The following USP10 variants were observed in gnomAD, a reference collection of about 807,000 sequenced individuals.
The protein encoded by USP10 is ubiquitin specific peptidase 10.
A neutral mutation model predicts 84.5 loss-of-function variants in USP10; 22 were observed. That is an observed-to-expected ratio of 0.26 (90% CI 0.19 to 0.37). The LOEUF (loss-of-function observed/expected upper bound fraction) is 0.37, where lower values mean the gene tolerates loss of function less well. USP10 is among the 10% of genes least tolerant of loss of function. The pLI is 1.00. For missense variants in USP10, 1,019 were observed against 998.9 expected (o/e 1.02, Z -0.27); for synonymous variants, 454 against 387.6 (o/e 1.17, Z -2.01).
At chr16:84,757,964 T>C (rs780897917) in intron 4 of USP10, among the ~76,000 whole-genome samples, 1 of 152,188 alleles carries the variant, frequency 6.6e-6, no homozygotes, top group Admixed American at 6.5e-5. Flanking sequence ...CATTAGAAGA[T>C]TCATAGTGGG....
rs1905281299 is a variant in USP10, at chr16:84,704,925, T to G, written c.21+4814T>G. 2.0e-6 allele frequency: 3 copies of G among 1,534,574 alleles called. 1 individual carries two copies. Among genetic ancestry groups the G allele is most frequent in the Non-Finnish European group, 2.6e-6 (3 of 1,145,932 alleles). On this transcript the variant is annotated intron_variant, in intron 1 of 13. Transcript: ENST00000219473. ...AGCCTGAATTCCTCGACTTTCCCTT[T>G]TGGGCTCACATGAGAATTGTTAGGA... is the stretch of plus-strand genomic sequence containing the variant.
At chr16:84,758,884 G>C in intron 5 of USP10, 77 bp downstream of exon 5, 2 of 993,770 alleles carry the variant, frequency 2.0e-6, no homozygotes, top group South Asian at 1.3e-5. Context: ...ACTTAGCTCA[G>C]CTTCCGTGGG....
At chr16:84,755,190 C>T (rs1467509872) in intron 4 of USP10, among the ~76,000 whole-genome samples, 1 of 151,356 alleles carries the variant, frequency 6.6e-6, no homozygotes, top group Non-Finnish European at 1.5e-5. Context: ...CATTTCCTTC[C>T]AGTATCAGTG....
Position 84,759,368 on chromosome 16 carries a change from G to A in USP10, c.1290G>A (p.Leu430=). The part of the protein sequence containing the change: ...KGNWCYINAT[L]QALVACPPMY... The stretch of plus-strand genomic sequence containing the variant: ...TCCTTACTGCCACTACATAGACACT[G>A]CAGGCATTGGTTGCTTGCCCGCCGA... Residue 430 remains leucine (L), a synonymous_variant, in exon 6 of 14, where the codon CTG becomes CTA. Coordinates refer to ENST00000219473, the MANE Select transcript of USP10 (RefSeq NM_005153.3). 1 of 1,613,912 alleles carries A rather than the reference G, an allele frequency of 6.2e-7. No homozygotes were observed.
At chr16:84,704,788 G>A (rs559891062) in intron 1 of USP10, 1 of 1,535,494 alleles carries the variant, frequency 6.5e-7, no homozygotes, top group Admixed American at 2.0e-5. Flanking sequence ...GAACCCAGAA[G>A]CTCTACCAGC....
chr16:84,744,518 T>G, intron 3 of USP10, 115 bp from the exon 4 acceptor site: 1 of 942,962 alleles, frequency 1.1e-6, no homozygotes, highest in Non-Finnish European at 1.6e-6. Context: ...ACGTAATAGA[T>G]TTGTTGATTA....
In USP10 at chr16:84,748,153, C is replaced by CAAAAA. The variant is rs1169089505; in HGVS notation, c.1192+2500_1192+2504dup. ...TGGGCGACAGAGCCAGACTCCATCT[C>CAAAAA]AAAAAAAAAAAAAAAAAAAAAAAAG... On this transcript the variant is annotated intron_variant, in intron 4 of 13. Transcript: ENST00000219473. Among the ~76,000 whole-genome samples, 92 of 51,146 alleles carry CAAAAA rather than the reference C, an allele frequency of 1.8e-3. 1 individual carries two copies. Among genetic ancestry groups the CAAAAA allele is most frequent in the East Asian group, 3.3e-3 (4 of 1,228 alleles). 33.6% of individuals were successfully genotyped at this position (51,146 alleles called of 152,430 possible).
At chr16:84,720,924 C>G (rs1476714003) in intron 1 of USP10, among the ~76,000 whole-genome samples, 1 of 142,122 alleles carries the variant, frequency 7.0e-6, no homozygotes, top group African/African-American at 2.7e-5. Flanking sequence ...GAAGGAGTCT[C>G]GCTCTTTTGC....
chr16:84,740,276 G>A, intron 2 of USP10, 33 bp from the exon 3 acceptor site: 6 of 1,594,328 alleles, frequency 3.8e-6, no homozygotes, highest in South Asian at 1.1e-5. Flanking sequence ...ACATTTTGTT[G>A]AATTAAAATT....
At position 84,764,093 on chromosome 16, in the gene USP10, G is replaced by A. The variant is rs182092186; in HGVS notation, c.1662G>A (p.Thr554=). The change falls in exon 10 of 14, where the codon ACG becomes ACA. Residue 554 remains threonine, a synonymous_variant. Transcript: ENST00000219473. Reference sequence around the variant, plus strand: ...AGATGCTCTCCTTTTCAGAACTTACGATTTCCAACGGCCCCAAAAACCACT... The same window carrying A: ...AGATGCTCTCCTTTTCAGAACTTACAATTTCCAACGGCCCCAAAAACCACT... The part of the protein sequence containing the change: ...KLLSPSNEKL[T]ISNGPKNHSV... 64 of 1,612,150 alleles carry A rather than the reference G, an allele frequency of 4.0e-5. No homozygotes were observed. The highest frequency in any genetic ancestry group is 1.7e-4 in the Middle Eastern group (1 of 6,052).
At chr16:84,706,554 T>A (rs1349987343) in intron 1 of USP10, among the ~76,000 whole-genome samples, 4 of 149,254 alleles carry the variant, frequency 2.7e-5, no homozygotes, top group East Asian at 3.9e-4. Context: ...ATATATATAT[T>A]TTTTGAGACG....
intron 3 of USP10, among the ~76,000 whole-genome samples, chr16:84,743,039 C>G (rs1288100362): frequency 6.6e-6 from 1 of 152,170 alleles, no homozygotes; most frequent in African/African-American, 2.4e-5. Context: ...CCGCCCCAGG[C>G]ACACCCGTTT....
chr16:84,723,699 G>A lies in USP10; in HGVS notation c.22-9736G>A, dbSNP rs117985202. On this transcript the variant is annotated intron_variant, in intron 1 of 13. Coordinates refer to ENST00000219473, the MANE Select transcript of USP10 (RefSeq NM_005153.3). Reference sequence around the variant, plus strand: ...GGCTAAACAAAGATGGATCTAACTCGATTCTTGTACTTTAAAGAAATCAGC... The same window carrying A: ...GGCTAAACAAAGATGGATCTAACTCAATTCTTGTACTTTAAAGAAATCAGC... Among the ~76,000 whole-genome samples the A allele has an allele frequency of 3.7e-3, 569 of 152,290 alleles. 3 individuals carry two copies. The highest frequency in any genetic ancestry group is 0.01 in the Middle Eastern group (3 of 294).
At chr16:84,763,795 T>C (rs1344763539) in intron 9 of USP10, among the ~76,000 whole-genome samples, 1 of 152,200 alleles carries the variant, frequency 6.6e-6, no homozygotes, top group African/African-American at 2.4e-5. Context: ...TTGCACCTGT[T>C]GCGATTGGTT....
At chr16:84,770,554 C>T (rs1223322842) in intron 11 of USP10, among the ~76,000 whole-genome samples, 2 of 152,038 alleles carry the variant, frequency 1.3e-5, no homozygotes, top group African/African-American at 4.8e-5. Context: ...GGGTGGATCA[C>T]GAGGTCAGGA....
rs140813803 is a variant in USP10, at chr16:84,776,124, G to A, written c.2209+899G>A. On this transcript the variant is annotated intron_variant, in intron 13 of 13. Transcript: ENST00000219473. ...TTTCCTTACATGTGTCCTAGGAGAT[G>A]GGAGGTGGGATCCCTGTTTTATAAA... Among the ~76,000 whole-genome samples the A allele has an allele frequency of 3.9e-3, 590 of 152,310 alleles. 1 individual carries two copies. Among genetic ancestry groups the A allele is most frequent in the African/African-American group, 0.014 (567 of 41,580 alleles).
intron 1 of USP10, among the ~76,000 whole-genome samples, chr16:84,717,805 C>T (rs8056245): frequency 0.69 from 104,792 of 152,138 alleles, 37,298 homozygotes; most frequent in East Asian, 0.95. Context: ...AGTCTCTGGT[C>T]CTCAGGTGTA....
intron 3 of USP10, 124 bp from the exon 4 acceptor site, chr16:84,744,509 C>T (rs1348999238): frequency 4.8e-6 from 4 of 837,624 alleles, no homozygotes; most frequent in East Asian, 2.7e-5. Flanking sequence ...AAGTAAAGGA[C>T]GTAATAGATT....
At chr16:84,720,021 C>T (rs1350762488) in intron 1 of USP10, among the ~76,000 whole-genome samples, 1 of 152,196 alleles carries the variant, frequency 6.6e-6, no homozygotes, top group Non-Finnish European at 1.5e-5. Flanking sequence ...AACAACAAAG[C>T]CGCTCATTAA....
Sources: gnomAD v4.1 joint callset for allele counts (sites outside exome capture counted in the v4.1 genomes callset) on GRCh38, gnomAD v4.1.1 for gene constraint, MANE v1.5 for transcripts, NCBI Gene and HGNC (gene_info 2026-07-23, HGNC 2026-07-21) for gene names.